PIDD1: variants seen among roughly 807,000 people sequenced by gnomAD.
PIDD1 encodes the protein p53-induced death domain-containing protein 1.
Under a neutral mutation model 80.0 loss-of-function variants are expected in PIDD1, and 72 were observed. That is an observed-to-expected ratio of 0.90 (90% CI 0.74 to 1.09). The LOEUF (loss-of-function observed/expected upper bound fraction) is 1.09, where lower values mean the gene tolerates loss of function less well. Ranked by LOEUF, PIDD1 falls within the 50% of genes least tolerant of loss-of-function variation. The probability of loss-of-function intolerance (pLI) is 0.00; values close to 1 mark genes in which losing one functional copy is unlikely to be tolerated. For missense variants in PIDD1, 1,329 were observed against 1,228.3 expected (o/e 1.08, Z -1.23); for synonymous variants, 655 against 543.5 (o/e 1.21, Z -2.85).
chr11:802,907 G>C lies in PIDD1; in HGVS notation c.710-16C>G. ...CGAAGTCCCGCTGCGGGCAGTTGCTGGCTTAGGCTTGGCACCAGCCCAGCC... is the reference window on the plus strand; with the variant it reads ...CGAAGTCCCGCTGCGGGCAGTTGCTCGCTTAGGCTTGGCACCAGCCCAGCC... On this transcript the variant is annotated splice_polypyrimidine_tract_variant and intron_variant, in intron 3 of 15. Transcript: ENST00000347755. 4 of 1,548,366 alleles carry C rather than the reference G, an allele frequency of 2.6e-6. No homozygotes were observed. Among genetic ancestry groups the C allele is most frequent in the Non-Finnish European group, 3.5e-6 (4 of 1,145,624 alleles).
At chr11:806,643 C>T (rs1024962272), upstream of PIDD1, among the ~76,000 whole-genome samples, 6 of 151,024 alleles carry the variant, frequency 4.0e-5, no homozygotes, top group Admixed American at 6.6e-5. Context: ...AGTGCAGTGG[C>T]GTGATCTCGG....
Position 799,884 on chromosome 11 carries a change from T to TC in PIDD1, c.2404dup (p.Asp802GlyfsTer26). The TC allele has an allele frequency of 1.2e-6, 2 of 1,611,690 alleles. No homozygotes were observed. The highest frequency in any genetic ancestry group is 1.7e-6 in the Non-Finnish European group (2 of 1,179,712). ...CAGGTGCAGGGCCACGGCTGGCCAG[T>TC]CCAGACCCAGACGCCCAGCCACACT... On this transcript the variant is annotated frameshift_variant, in exon 15 of 16. Transcript: ENST00000347755. LOFTEE classifies it high-confidence loss of function.
Position 804,190 on chromosome 11 carries a change from A to T in PIDD1, c.199T>A (p.Leu67Met). 6.2e-7 allele frequency: 1 copy of T among 1,613,360 alleles called. No individual in the cohort carries two copies. The highest frequency in any genetic ancestry group is 1.1e-5 in the South Asian group (1 of 91,086). The change falls in exon 2 of 16, where the codon TTG becomes ATG. Residue 67 changes from leucine (L) to methionine (M), a missense_variant. Transcript: ENST00000347755. Reference sequence around the variant, plus strand: ...GGGTCCTCGTGAGTGCTCAGACGCAAGAATTCCACCTGCAGCAGCTGCAGA... The same window carrying T: ...GGGTCCTCGTGAGTGCTCAGACGCATGAATTCCACCTGCAGCAGCTGCAGA... ...QPLQLLQVEFLRLSTHEDPQL... is the reference protein window; with the variant it reads ...QPLQLLQVEFMRLSTHEDPQL...
chr11:803,589 T>G lies in PIDD1; in HGVS notation c.296-2A>C. 6.2e-7 allele frequency: 1 copy of G among 1,603,354 alleles called. No homozygotes were observed. Among genetic ancestry groups the G allele is most frequent in the South Asian group, 1.1e-5 (1 of 90,232 alleles). On this transcript the variant is annotated splice_acceptor_variant, in intron 2 of 15. Transcript: ENST00000347755. LOFTEE classifies it high-confidence loss of function. The stretch of plus-strand genomic sequence containing the variant: ...CCAGTGTGTCCCGGCGTTGCCCTCC[T>G]GGGAAGGGGGGAGGCGGATGTGGCC...
chr11:804,447 G>T lies in PIDD1; in HGVS notation c.-59C>A. 1.3e-6 allele frequency: 2 copies of T among 1,517,268 alleles called. No homozygotes were observed. Among genetic ancestry groups the T allele is most frequent in the Non-Finnish European group, 1.8e-6 (2 of 1,137,010 alleles). The allele number at this position is 1,517,268 out of a possible 1,614,324, so 94.0% of individuals were successfully genotyped here. On this transcript the variant is annotated 5_prime_UTR_variant, in exon 2 of 16. In the 5' UTR this introduces an upstream ATG that the reference lacks. Coordinates refer to ENST00000347755, the MANE Select transcript of PIDD1 (RefSeq NM_145886.4). Reference sequence around the variant, plus strand: ...CCCAGCACGCAGGCAGGCCTGTCCAGGCAGCGCCCGGGGAAGCTGCAGAGG... The same window carrying T: ...CCCAGCACGCAGGCAGGCCTGTCCATGCAGCGCCCGGGGAAGCTGCAGAGG...
chr11:800,580 G>A lies in PIDD1; in HGVS notation c.2004C>T (p.Phe668=). Residue 668 remains phenylalanine, a synonymous_variant, in exon 12 of 16, where the codon TTC becomes TTT. Coordinates refer to ENST00000347755, the MANE Select transcript of PIDD1 (RefSeq NM_145886.4). ...DTVEMFEGEE[F]FAAFERGIDV... ...CGATGCCGCGCTCGAAGGCCGCAAA[G>A]AACTCTTCGCCCTCGAACATCTCCA... The A allele has an allele frequency of 2.5e-6, 4 of 1,578,400 alleles. No individual in the cohort carries two copies. The highest frequency in any genetic ancestry group is 2.6e-6 in the Non-Finnish European group (3 of 1,160,752).
Position 800,987 on chromosome 11 carries a change from G to A in PIDD1, c.1764C>T (p.Ser588=). The A allele has an allele frequency of 6.2e-7, 1 of 1,604,312 alleles. No individual in the cohort carries two copies. Among genetic ancestry groups the A allele is most frequent in the South Asian group, 1.1e-5 (1 of 89,536 alleles). ...LYARFQVTHF[S]WYWLWYTTKN... ...TGAGAAAGCTGGGGGGCACTGACCA[G>A]GAGAAGTGTGTGACCTGGAAGCGTG... is the stretch of plus-strand genomic sequence containing the variant. Residue 588 remains serine (S), a splice_region_variant and synonymous_variant, in exon 10 of 16, where the codon TCC becomes TCT. Coordinates refer to ENST00000347755, the MANE Select transcript of PIDD1 (RefSeq NM_145886.4).
Position 802,284 on chromosome 11 carries a change from G to C in PIDD1, c.1087C>G (p.Pro363Ala), listed in dbSNP as rs1268613627. The change falls in exon 6 of 16, where the codon CCG becomes GCG. Residue 363 changes from proline (P) to alanine (A), a missense_variant. By Grantham distance (27) the Pro-to-Ala change is conservative. Transcript: ENST00000347755. ...CCCAGGGGGACGAGGCCTGGCTCCGGCAGCAGCAGCCGATAGCGGATGGTG... is the reference window on the plus strand; with the variant it reads ...CCCAGGGGGACGAGGCCTGGCTCCGCCAGCAGCAGCCGATAGCGGATGGTG... ...PITIRYRLLL[P>A]EPGLVPLGPH... 1 of 1,611,916 alleles carries C rather than the reference G, an allele frequency of 6.2e-7. No individual in the cohort carries two copies. Among genetic ancestry groups the C allele is most frequent in the East Asian group, 2.2e-5 (1 of 44,882 alleles).
At chr11:806,509 G>A (rs188130074), upstream of PIDD1, among the ~76,000 whole-genome samples, 177 of 152,144 alleles carry the variant, frequency 1.2e-3, no homozygotes, top group Middle Eastern at 3.4e-3. Context: ...CCTCCCTCTG[G>A]GACAGGCAGG....
In PIDD1 at chr11:799,550, CT is replaced by C; in HGVS notation, c.2489del (p.Glu830GlyfsTer114). The C allele has an allele frequency of 6.2e-7, 1 of 1,600,186 alleles. No homozygotes were observed. The highest frequency in any genetic ancestry group is 1.3e-5 in the African/African-American group (1 of 75,004). On this transcript the variant is annotated frameshift_variant, in exon 16 of 16. Coordinates refer to ENST00000347755, the MANE Select transcript of PIDD1 (RefSeq NM_145886.4). LOFTEE classifies it low-confidence loss of function (END_TRUNC). The stretch of plus-strand genomic sequence containing the variant: ...AGGAGAAGAGCATGTGACGGATCTG[CT>C]CATCCAGATCATCCCTGCAGGCAGA... ...IRHEFRDDLD[E>X]QIRHMLFSWA...
upstream of PIDD1, chr11:805,466 G>A (rs1356567620): frequency 1.9e-5 from 7 of 375,072 alleles, no homozygotes; most frequent in East Asian, 3.3e-4. Context: ...CCGCGGGGTC[G>A]GAGCCGTACA....
intron 1 of PIDD1, 30 bp from the exon 2 acceptor site, chr11:804,493 A>C: frequency 6.8e-7 from 1 of 1,460,148 alleles, no homozygotes; most frequent in South Asian, 1.4e-5. Context: ...AGTGAGCGGG[A>C]GCCGGGGTGG....
At position 800,797 on chromosome 11, in the gene PIDD1, C is replaced by T. The variant is rs1417371647; in HGVS notation, c.1882G>A (p.Glu628Lys). ...LIALQRRRDP[E>K]QVLLQCLPRN... ...GGCAGGCACTGCAGCAGGACCTGCT[C>T]AGGGTCCCGGCGCCGCTGCAGAGCG... The change falls in exon 11 of 16, where the codon GAG becomes AAG. Residue 628 changes from glutamate to lysine, a missense_variant. Transcript: ENST00000347755. 5 of 1,555,742 alleles carry T rather than the reference C, an allele frequency of 3.2e-6. No homozygotes were observed. The African/African-American group carries it at 4.1e-5, about 13-fold the overall frequency.
chr11:804,946 C>G (rs1009423672), intron 1 of PIDD1: 3 of 153,080 alleles, frequency 2.0e-5, no homozygotes, highest in African/African-American at 7.2e-5. Flanking sequence ...GCTTCGGGGT[C>G]CTGGGGCCGG....
upstream of PIDD1, among the ~76,000 whole-genome samples, chr11:807,189 C>CAAA (rs1338815823): frequency 2.0e-4 from 19 of 94,184 alleles, no homozygotes; most frequent in African/African-American, 4.6e-4. Flanking sequence ...GACTCCCTCT[C>CAAA]AAAAAAAAAA....
rs35224400 is a variant in PIDD1 at position 803,286 on chromosome 11, G to A, written c.597C>T (p.Leu199=). The part of the protein sequence containing the change: ...ALGALSTLQR[L]DLSQNLLDTL... ...TGTCCAGCAGATTCTGAGAGAGATC[G>A]AGGCGCTGCAGGGTGGATAGGGCCC... is the stretch of plus-strand genomic sequence containing the variant. The change falls in exon 3 of 16, where the codon CTC becomes CTT. Residue 199 remains leucine (L), a synonymous_variant. Coordinates refer to ENST00000347755, the MANE Select transcript of PIDD1 (RefSeq NM_145886.4). 2.2e-4 allele frequency: 362 copies of A among 1,613,726 alleles called. 1 individual carries two copies. The highest frequency in any genetic ancestry group is 3.8e-4 in the Admixed American group (23 of 60,014).
chr11:805,315 C>T (rs1385879530), upstream of PIDD1: 3 of 743,902 alleles, frequency 4.0e-6, no homozygotes, highest in African/African-American at 1.9e-5. Context: ...GCGCCCCCTC[C>T]GCCGGGCTGG....
chr11:804,454 C>A lies in PIDD1; in HGVS notation c.-66G>T. 1 of 1,507,666 alleles carries A rather than the reference C, an allele frequency of 6.6e-7. No individual in the cohort carries two copies. Among genetic ancestry groups the A allele is most frequent in the South Asian group, 1.3e-5 (1 of 76,340 alleles). 93.4% of individuals were successfully genotyped at this position (1,507,666 alleles called of 1,614,324 possible). A position where few individuals can be genotyped will look rare whatever the true frequency, so the allele number is the denominator to read the frequency against. ...CGCAGGCAGGCCTGTCCAGGCAGCG[C>A]CCGGGGAAGCTGCAGAGGCAGGAGG... On this transcript the variant is annotated 5_prime_UTR_variant, in exon 2 of 16. Coordinates refer to ENST00000347755, the MANE Select transcript of PIDD1 (RefSeq NM_145886.4).
Position 801,539 on chromosome 11 carries a change from G to A in PIDD1, c.1388C>T (p.Pro463Leu), listed in dbSNP as rs1045323605. Residue 463 changes from proline to leucine, a missense_variant, in exon 8 of 16, where the codon CCG becomes CTG. Transcript: ENST00000347755. ...RPVSNACLVP[P>L]EGTLLCSSGH... ...CGAGGAGCACAGCAGTGTCCCCTCC[G>A]GTGGCACCAGGCAGGCATTGGACAC... 25 of 1,566,578 alleles carry A rather than the reference G, an allele frequency of 1.6e-5. No homozygotes were observed. The highest frequency in any genetic ancestry group is 3.8e-5 in the Admixed American group (2 of 52,800).
Sources: allele counts gnomAD v4.1 joint callset (sites outside exome capture counted in the v4.1 genomes callset), GRCh38; gene constraint gnomAD v4.1.1; transcripts MANE v1.5; gene names NCBI Gene and HGNC (gene_info 2026-07-23, HGNC 2026-07-21).